Variants in PTAFR observed in about 807,000 individuals in gnomAD.
The protein encoded by PTAFR is platelet activating factor receptor.
PTAFR carries 8 observed loss-of-function variants against 14.7 expected under a neutral mutation model. The observed-to-expected ratio is 0.54, with a 90% CI of 0.32 to 0.98. The LOEUF (loss-of-function observed/expected upper bound fraction) is 0.98, where lower values mean the gene tolerates loss of function less well. PTAFR is among the 50% of genes least tolerant of loss of function. The pLI is 0.04. For synonymous variants in PTAFR, 156 were observed against 176.5 expected, an observed-to-expected ratio of 0.88 and a Z score of 0.92; for missense variants, 337 against 451.2, an observed-to-expected ratio of 0.75 and a Z score of 2.29.
chr1:28,169,362 G>A (rs1026818382), intron 1 of PTAFR, among the ~76,000 whole-genome samples: 1 of 151,838 alleles, frequency 6.6e-6, no homozygotes, highest in African/African-American at 2.4e-5. Flanking sequence ...GTATTTTTAA[G>A]TTAGAGTCAT....
At chr1:28,157,689 C>G (rs1330562115) in intron 1 of PTAFR, among the ~76,000 whole-genome samples, 1 of 148,912 alleles carries the variant, frequency 6.7e-6, no homozygotes, top group Non-Finnish European at 1.5e-5. Flanking sequence ...AGTGCAGTGG[C>G]GCGATCTCAG....
At position 28,149,684 on chromosome 1, in the gene PTAFR, C is replaced by T. The variant is rs930680490; in HGVS notation, c.*309G>A. 2.7e-5 allele frequency: 9 copies of T among 330,508 alleles called. No homozygotes were observed. Among genetic ancestry groups the T allele is most frequent in the African/African-American group, 4.2e-5 (2 of 47,686 alleles). 20.5% of individuals were successfully genotyped at this position (330,508 alleles called of 1,614,324 possible). A position where few individuals can be genotyped will look rare whatever the true frequency, so the allele number is the denominator to read the frequency against. ...CGGGGAGAACTAGGTGGTTTAAAGT[C>T]TTCCCCCAAGGTCTGCACCTGGCCC... is the stretch of plus-strand genomic sequence containing the variant. On this transcript the variant is annotated 3_prime_UTR_variant, in exon 2 of 2. Coordinates refer to ENST00000373857, the MANE Select transcript of PTAFR (RefSeq NM_000952.5).
intron 1 of PTAFR, among the ~76,000 whole-genome samples, chr1:28,173,422 ATG>A (rs954451231): frequency 4.6e-5 from 7 of 152,082 alleles, no homozygotes; most frequent in African/African-American, 1.7e-4. Flanking sequence ...CCTGGGCATC[ATG>A]TCAAACCCCA....
At chr1:28,170,287 A>G (rs796631404) in intron 1 of PTAFR, among the ~76,000 whole-genome samples, 3 of 152,306 alleles carry the variant, frequency 2.0e-5, no homozygotes, top group African/African-American at 7.2e-5. Context: ...GAGCCTCTGT[A>G]CACACACAGT....
chr1:28,151,335 A>C (rs1327510260), intron 1 of PTAFR, among the ~76,000 whole-genome samples: 1 of 151,962 alleles, frequency 6.6e-6, no homozygotes, highest in Non-Finnish European at 1.5e-5. Flanking sequence ...ATGCACCACC[A>C]TGCCTGGCTA....
intron 1 of PTAFR, among the ~76,000 whole-genome samples, chr1:28,176,208 C>G (rs1049140370): frequency 6.6e-6 from 1 of 151,966 alleles, no homozygotes; most frequent in African/African-American, 2.4e-5. Flanking sequence ...TTTGGGAGGC[C>G]GAGGCAGGCT....
intron 1 of PTAFR, among the ~76,000 whole-genome samples, chr1:28,164,632 GA>G (rs1307586909): frequency 4.6e-5 from 7 of 152,232 alleles, no homozygotes; most frequent in Non-Finnish European, 7.3e-5. Flanking sequence ...GACTAGAGAA[GA>G]AAATAGATTT....
At chr1:28,183,081 T>C (rs1243866481) in intron 1 of PTAFR, among the ~76,000 whole-genome samples, 1 of 152,044 alleles carries the variant, frequency 6.6e-6, no homozygotes, top group Non-Finnish European at 1.5e-5. Context: ...GTTGAGCTTT[T>C]GAGATCAGAA....
intron 1 of PTAFR, among the ~76,000 whole-genome samples, chr1:28,156,032 C>A (rs1424382827): frequency 1.3e-5 from 2 of 151,882 alleles, no homozygotes; most frequent in Non-Finnish European, 2.9e-5. Flanking sequence ...GAGGCCGAGA[C>A]GGGTGGATCA....
rs973344039 is a variant in PTAFR, at chr1:28,164,103, G to A, written c.-39+12489C>T. ...ATTCCCAGTCCCTAGGGAACCTGGA[G>A]AAGGGGTTCTCATCCATAGCTGGAC... On this transcript the variant is annotated intron_variant, in intron 1 of 1. Transcript: ENST00000373857. Among the ~76,000 whole-genome samples the A allele has an allele frequency of 7.9e-5, 12 of 152,224 alleles. No homozygotes were observed. In the East Asian group the frequency reaches 2.1e-3, roughly 27 times the overall value.
rs1191331165 is a variant in PTAFR at position 28,147,271 on chromosome 1, G to A, written c.*2722C>T. 1 of 152,106 alleles carries A rather than the reference G, an allele frequency of 6.6e-6. No homozygotes were observed. The highest frequency in any genetic ancestry group is 1.5e-5 in the Non-Finnish European group (1 of 68,028). The allele number at this position is 152,106 out of a possible 1,614,324, so 9.4% of individuals were successfully genotyped here. A position where few individuals can be genotyped will look rare whatever the true frequency, so the allele number is the denominator to read the frequency against. On this transcript the variant is annotated 3_prime_UTR_variant, in exon 2 of 2. Coordinates refer to ENST00000373857, the MANE Select transcript of PTAFR (RefSeq NM_000952.5). ...AATGACTGAAATTCAGGAGACGCGG[G>A]GAGTTAGCACAGAAGCACTTTCCTC...
At chr1:28,186,011 CCTGT>C (rs1646603232) in intron 1 of PTAFR, among the ~76,000 whole-genome samples, 1 of 151,714 alleles carries the variant, frequency 6.6e-6, no homozygotes, top group African/African-American at 2.4e-5. Flanking sequence ...GGAGTCTTAT[CCTGT>C]CACCCATGCT....
rs113628405 is a variant in PTAFR, at chr1:28,190,862, G to A, written c.-39+2860C>T. Among the ~76,000 whole-genome samples the A allele has an allele frequency of 8.4e-3, 1,285 of 152,202 alleles. 18 individuals are homozygous for A. The highest frequency in any genetic ancestry group is 0.028 in the African/African-American group (1,163 of 41,528). ...TCTCACAGCCTTCCTCAAACTTAGG[G>A]AGTTTCAATCTCACCTCTGCCACTT... On this transcript the variant is annotated intron_variant, in intron 1 of 1. Coordinates refer to the PTAFR transcript ENST00000305392.
intron 1 of PTAFR, among the ~76,000 whole-genome samples, chr1:28,186,366 AC>A (rs1646606475): frequency 6.6e-6 from 1 of 152,230 alleles, no homozygotes; most frequent in African/African-American, 2.4e-5. Context: ...GGGTAGATGT[AC>A]TATATTCATG....
intron 1 of PTAFR, among the ~76,000 whole-genome samples, chr1:28,186,329 T>TA (rs11371237): frequency 0.063 from 9,400 of 148,086 alleles, 321 homozygotes; most frequent in Middle Eastern, 0.094. Flanking sequence ...AAAAGTTATT[T>TA]AAAAAAAAAA....
intron 1 of PTAFR, among the ~76,000 whole-genome samples, chr1:28,190,315 G>A (rs1331224168): frequency 6.6e-6 from 1 of 152,144 alleles, no homozygotes; most frequent in Admixed American, 6.6e-5. Flanking sequence ...GCTGGAGAAT[G>A]CAATACACAT....
rs1646167060 is a variant in PTAFR at position 28,150,334 on chromosome 1, C to G, written c.688G>C (p.Ala230Pro). ...QQRNAEVKRR[A>P]LWMVCTVLAV... Reference sequence around the variant, plus strand: ...AAGACCGTGCACACCATCCACAGCGCCCGGCGCTTGACTTCAGCGTTGCGC... The same window carrying G: ...AAGACCGTGCACACCATCCACAGCGGCCGGCGCTTGACTTCAGCGTTGCGC... Residue 230 changes from alanine (A) to proline (P), a missense_variant, in exon 2 of 2, where the codon GCG becomes CCG. Coordinates refer to ENST00000373857, the MANE Select transcript of PTAFR (RefSeq NM_000952.5). This position sits in a 1 kb window ranked among gnomAD's most constrained non-coding sequence, Gnocchi z 6.3. 6.2e-7 allele frequency: 1 copy of G among 1,613,912 alleles called. No homozygotes were observed. Among genetic ancestry groups the G allele is most frequent in the Non-Finnish European group, 8.5e-7 (1 of 1,179,950 alleles).
intron 1 of PTAFR, among the ~76,000 whole-genome samples, chr1:28,173,290 A>T (rs1646472063): frequency 1.4e-5 from 1 of 73,948 alleles, no homozygotes; most frequent in African/African-American, 5.1e-5. Flanking sequence ...TGTGTCTCTT[A>T]AAAAAAAAGG....
intron 1 of PTAFR, among the ~76,000 whole-genome samples, chr1:28,155,926 C>A (rs907384061): frequency 1.3e-5 from 2 of 151,800 alleles, no homozygotes; most frequent in Non-Finnish European, 2.9e-5. Context: ...TCACAACGAA[C>A]CTTTAAGAAA....
Sources: gnomAD v4.1 joint callset for allele counts (sites outside exome capture counted in the v4.1 genomes callset) on GRCh38, gnomAD v4.1.1 for gene constraint, Gnocchi (gnomAD v3.1) non-coding constraint, MANE v1.5 for transcripts, NCBI Gene and HGNC (gene_info 2026-07-23, HGNC 2026-07-21) for gene names.